FRYL: variants seen among roughly 807,000 people sequenced by gnomAD.
FRYL encodes protein furry homolog-like.
Under a neutral mutation model 351.2 loss-of-function variants are expected in FRYL, and 150 were observed. The observed-to-expected ratio is 0.43, with a 90% confidence interval of 0.37 to 0.49. FRYL has a LOEUF of 0.49. FRYL is among the 20% of genes least tolerant of loss of function. The pLI, the probability that FRYL is intolerant of heterozygous loss-of-function variation, is 0.00. For missense variants in FRYL, 3,036 were observed against 3,619.3 expected, an observed-to-expected ratio of 0.84 and a Z score of 4.13; for synonymous variants, 1,153 against 1,257.1, an observed-to-expected ratio of 0.92 and a Z score of 1.75.
intron 55 of FRYL, among the ~76,000 whole-genome samples, chr4:48,517,541 C>CA (rs1401068165): frequency 6.6e-6 from 1 of 152,128 alleles, no homozygotes; most frequent in Non-Finnish European, 1.5e-5. Flanking sequence ...ATGACACATG[C>CA]ACATATGCTT....
intron 59 of FRYL, 27 bp downstream of exon 59, chr4:48,510,030 CTT>C: frequency 6.6e-7 from 1 of 1,520,530 alleles, no homozygotes; most frequent in Middle Eastern, 1.7e-4. Context: ...GAGCAAACCA[CTT>C]TTCGCACATG....
chr4:48,703,747 T>C (rs1376260657), intron 2 of FRYL, among the ~76,000 whole-genome samples: 1 of 152,184 alleles, frequency 6.6e-6, no homozygotes, highest in Non-Finnish European at 1.5e-5. Flanking sequence ...TTAGACATAG[T>C]TTGTGTATTT....
At chr4:48,713,919 A>G (rs1252845512) in intron 1 of FRYL, among the ~76,000 whole-genome samples, 1 of 152,098 alleles carries the variant, frequency 6.6e-6, no homozygotes, top group Non-Finnish European at 1.5e-5. Context: ...ATAACAAACT[A>G]TCTCTCAGAC....
chr4:48,605,648 A>G (rs1325245153), intron 11 of FRYL, 93 bp downstream of exon 11: 1 of 838,812 alleles, frequency 1.2e-6, no homozygotes, highest in African/African-American at 1.7e-5. Flanking sequence ...GCTTATTGTC[A>G]TGTAAGTATT....
intron 1 of FRYL, among the ~76,000 whole-genome samples, chr4:48,733,167 C>A (rs145459224): frequency 6.6e-6 from 1 of 151,428 alleles, no homozygotes; most frequent in Non-Finnish European, 1.5e-5. Flanking sequence ...CCCAGCCACT[C>A]GGGAGGCTGA....
intron 1 of FRYL, among the ~76,000 whole-genome samples, chr4:48,741,564 A>G (rs10433725): frequency 0.97 from 147,904 of 152,186 alleles, 72,024 homozygotes; most frequent in East Asian, 1. Flanking sequence ...TTAGCCAGGC[A>G]TGGTTGGACA....
chr4:48,522,837 A>T, intron 54 of FRYL, 64 bp downstream of exon 54: 1 of 1,165,190 alleles, frequency 8.6e-7, no homozygotes, highest in Admixed American at 1.7e-5. Context: ...AATAATCATT[A>T]AGAAGTTGGA....
At chr4:48,682,408 C>T (rs1764721457) in intron 3 of FRYL, among the ~76,000 whole-genome samples, 1 of 152,064 alleles carries the variant, frequency 6.6e-6, no homozygotes, top group Non-Finnish European at 1.5e-5. Flanking sequence ...CAACAAAAGC[C>T]AAAATTGACA....
At chr4:48,511,410 G>C (rs1722438276) in intron 57 of FRYL, among the ~76,000 whole-genome samples, 1 of 152,148 alleles carries the variant, frequency 6.6e-6, no homozygotes, top group African/African-American at 2.4e-5. Flanking sequence ...TTTAGGTAAA[G>C]TCATAAAAAT....
At chr4:48,615,116 G>A (rs1479463665) in intron 7 of FRYL, among the ~76,000 whole-genome samples, 4 of 152,088 alleles carry the variant, frequency 2.6e-5, no homozygotes, top group African/African-American at 7.2e-5. Flanking sequence ...GTGAGCCACC[G>A]CGCCCGGCCA....
intron 55 of FRYL, among the ~76,000 whole-genome samples, chr4:48,518,333 C>A (rs1300716196): frequency 6.6e-6 from 1 of 152,136 alleles, no homozygotes; most frequent in African/African-American, 2.4e-5. Flanking sequence ...TTAGTCAGGC[C>A]CTGCTAAATT....
Position 48,620,671 on chromosome 4 carries a change from T to C in FRYL, c.282A>G (p.Glu94=), listed in dbSNP as rs1228853166. The C allele has an allele frequency of 6.2e-7, 1 of 1,613,798 alleles. No homozygotes were observed. Among genetic ancestry groups the C allele is most frequent in the Admixed American group, 1.7e-5 (1 of 60,000 alleles). ...ACTTTGTGCTAGACCGAGGCCTATA[T>C]TCATAAGATTCATCTTCCGTTCCAT... ...RQNGTEDESY[E]YRPRSSTKSK... is the part of the protein sequence containing the mutation. Residue 94 remains glutamate, a synonymous_variant, in exon 6 of 64, where the codon GAA becomes GAG. Transcript: ENST00000358350.
intron 18 of FRYL, among the ~76,000 whole-genome samples, chr4:48,589,061 AAATT>A (rs1742716635): frequency 6.6e-6 from 1 of 152,220 alleles, no homozygotes; most frequent in South Asian, 2.1e-4. Flanking sequence ...TATATTAAAT[AAATT>A]GAGATTAAAT....
intron 1 of FRYL, among the ~76,000 whole-genome samples, chr4:48,737,374 T>C (rs1771565926): frequency 6.6e-6 from 1 of 152,032 alleles, no homozygotes; most frequent in Non-Finnish European, 1.5e-5. Flanking sequence ...ATGAATTTGA[T>C]AATTGAGATT....
intron 9 of FRYL, 21 bp downstream of exon 9, chr4:48,608,966 T>C (rs185438306): frequency 2.4e-5 from 35 of 1,479,824 alleles, no homozygotes; most frequent in Non-Finnish European, 3.1e-5. Flanking sequence ...AAAATCTAAA[T>C]GGGTGATTTA....
intron 31 of FRYL, 96 bp from the exon 32 acceptor site, chr4:48,563,084 ATC>A: frequency 1.4e-6 from 1 of 727,624 alleles, no homozygotes; most frequent in Non-Finnish European, 2.3e-6. Flanking sequence ...GCTTATAGGC[ATC>A]TATCTTCTAA....
chr4:48,602,282 A>G (rs1745871271), intron 12 of FRYL, among the ~76,000 whole-genome samples, 161 bp from the exon 13 acceptor site: 1 of 152,228 alleles, frequency 6.6e-6, no homozygotes, highest in Admixed American at 6.5e-5. Flanking sequence ...AATCTAACAC[A>G]GAAAGATAAA....
In FRYL at chr4:48,557,110, A is replaced by G. The variant is rs748154720; in HGVS notation, c.4134T>C (p.Asp1378=). The change falls in exon 35 of 64, where the codon GAT becomes GAC. Residue 1378 remains aspartate (D), a synonymous_variant. Coordinates refer to ENST00000358350, the MANE Select transcript of FRYL (RefSeq NM_015030.2). The stretch of plus-strand genomic sequence containing the variant: ...TCTCCACCTCCGACCAGGCCAGTTC[A>G]TCGCCATACTAGATGCAATATGCAC... ...NLMYMTAKYG[D]ELAWSEVENV... is the part of the protein sequence containing the mutation. 1 of 1,586,542 alleles carries G rather than the reference A, an allele frequency of 6.3e-7. No individual in the cohort carries two copies. The highest frequency in any genetic ancestry group is 8.6e-7 in the Non-Finnish European group (1 of 1,163,436).
At chr4:48,717,097 G>A (rs1419929758) in intron 1 of FRYL, among the ~76,000 whole-genome samples, 2 of 124,002 alleles carry the variant, frequency 1.6e-5, no homozygotes, top group East Asian at 5.2e-4. Context: ...ACAGGAAGGG[G>A]AACATCACAC....
Sources: allele counts gnomAD v4.1 joint callset (sites outside exome capture counted in the v4.1 genomes callset), GRCh38; gene constraint gnomAD v4.1.1; transcripts MANE v1.5; gene names NCBI Gene and HGNC (gene_info 2026-07-23, HGNC 2026-07-21).